Variants in COL11A2 observed in about 807,000 individuals in gnomAD.
COL11A2 encodes collagen type XI alpha 2 chain.
A neutral mutation model predicts 273.4 loss-of-function variants in COL11A2; 116 were observed. The ratio of observed to expected loss-of-function variants is 0.42; its 90% CI spans 0.36 to 0.49. The LOEUF is 0.49. COL11A2 is among the 20% of genes least tolerant of loss of function. The pLI, the probability that COL11A2 is intolerant of heterozygous loss-of-function variation, is 0.00. For synonymous variants in COL11A2, 782 were observed against 864.2 expected, an observed-to-expected ratio of 0.90 and a Z score of 1.67; for missense variants, 1,866 against 2,309.0, an observed-to-expected ratio of 0.81 and a Z score of 3.93.
chr6:33,184,021 G>C (rs1772047198), intron 8 of COL11A2, 124 bp downstream of exon 8: 2 of 852,198 alleles, frequency 2.3e-6, no homozygotes, highest in South Asian at 2.6e-5. Flanking sequence ...TATGTGAACA[G>C]AAAATGACAA....
chr6:33,171,608 G>A (rs754224091), intron 42 of COL11A2, 34 bp from the exon 43 acceptor site: 16 of 1,607,536 alleles, frequency 1.0e-5, no homozygotes, highest in Non-Finnish European at 1.2e-5. Flanking sequence ...ATGGCCTGGA[G>A]GTGACCCTCA....
intron 8 of COL11A2, among the ~76,000 whole-genome samples, chr6:33,182,869 T>C (rs1390024868): frequency 1.3e-5 from 2 of 151,960 alleles, no homozygotes; most frequent in Non-Finnish European, 2.9e-5. Flanking sequence ...ACATGGAGAA[T>C]GGGAGACATT....
upstream of COL11A2, among the ~76,000 whole-genome samples, chr6:33,193,172 G>A (rs1773375333): frequency 6.6e-6 from 1 of 152,108 alleles, no homozygotes; most frequent in South Asian, 2.1e-4. Flanking sequence ...GGTCACTCGG[G>A]GACGTGGGCC....
rs756955575 is a variant in COL11A2, at chr6:33,179,175, T to A, written c.1558-49A>T. The A allele has an allele frequency of 6.2e-6, 10 of 1,610,186 alleles. No individual in the cohort carries two copies. Among genetic ancestry groups the A allele is most frequent in the Non-Finnish European group, 8.5e-6 (10 of 1,178,532 alleles). ...GGGTTAGGAGGCATAGGGAGGGGAG[T>A]GAGGGAGACTGAGCTGGTGAACAGA... On this transcript the variant is annotated intron_variant, in intron 15 of 65. Transcript: ENST00000341947. This position sits in a 1 kb window ranked among gnomAD's most constrained non-coding sequence, Gnocchi z 6.4.
intron 8 of COL11A2, among the ~76,000 whole-genome samples, chr6:33,181,536 G>A (rs1187281224): frequency 2.0e-5 from 3 of 151,972 alleles, no homozygotes; most frequent in Admixed American, 1.3e-4. Context: ...GTATAGTGGC[G>A]CGATCTCGGC....
chr6:33,179,697 C>T lies in COL11A2; in HGVS notation c.1446+22G>A, dbSNP rs754919637. On this transcript the variant is annotated intron_variant, in intron 13 of 65. Coordinates refer to ENST00000341947, the MANE Select transcript of COL11A2 (RefSeq NM_080680.3). This position sits in a 1 kb window ranked among gnomAD's most constrained non-coding sequence, Gnocchi z 6.4. ...CAGTGCCCCCCAGAGCCTTCCCTTT[C>T]CAGGGAAGCAGCCCCACTCACCCTC... 1 of 1,609,450 alleles carries T rather than the reference C, an allele frequency of 6.2e-7. No homozygotes were observed. Among genetic ancestry groups the T allele is most frequent in the Non-Finnish European group, 8.5e-7 (1 of 1,178,802 alleles).
chr6:33,175,406 C>T lies in COL11A2; in HGVS notation c.2376+168G>A, dbSNP rs1316851280. On this transcript the variant is annotated intron_variant, in intron 30 of 65. Coordinates refer to ENST00000341947, the MANE Select transcript of COL11A2 (RefSeq NM_080680.3). The stretch of plus-strand genomic sequence containing the variant: ...CTTTTCCCTGACTTCTTATATATCC[C>T]CTCTGCCCATCAGCAGCTGAGAGAT... The T allele has an allele frequency of 8.5e-6, 6 of 707,830 alleles. No individual in the cohort carries two copies. In the East Asian group the frequency reaches 1.6e-4, roughly 19 times the overall value. 43.8% of individuals were successfully genotyped at this position (707,830 alleles called of 1,614,324 possible).
chr6:33,181,708 A>T lies in COL11A2; in HGVS notation c.1120-538T>A, dbSNP rs569790644. On this transcript the variant is annotated intron_variant, in intron 8 of 65. Transcript: ENST00000341947. ...ACCGTGTTGGCCAGGCTGGTCTCAAAGTCCTGACCTCAGGTGATCCGCCTG... is the reference window on the plus strand; with the variant it reads ...ACCGTGTTGGCCAGGCTGGTCTCAATGTCCTGACCTCAGGTGATCCGCCTG... Among the ~76,000 whole-genome samples, 428 of 151,916 alleles carry T rather than the reference A, an allele frequency of 2.8e-3. 6 individuals are homozygous for T. The highest frequency in any genetic ancestry group is 0.01 in the African/African-American group (420 of 41,450).
intron 6 of COL11A2, 92 bp from the exon 7 acceptor site, chr6:33,185,146 G>T (rs1295205458): frequency 1.5e-5 from 14 of 922,210 alleles, no homozygotes; most frequent in Admixed American, 4.0e-5. Flanking sequence ...CCTGTCCCCC[G>T]AGGGCAGGGT....
In COL11A2 at chr6:33,189,518, C is replaced by T; in HGVS notation, c.83-49G>A. On this transcript the variant is annotated intron_variant, in intron 1 of 65. Transcript: ENST00000341947. This position sits in a 1 kb window ranked among gnomAD's most constrained non-coding sequence, Gnocchi z 5.6. Reference sequence around the variant, plus strand: ...GAGAAGGGACATGCCCTCAGGAGGGCATAAATAGGGGACATTTGGGATCTA... The same window carrying T: ...GAGAAGGGACATGCCCTCAGGAGGGTATAAATAGGGGACATTTGGGATCTA... The T allele has an allele frequency of 6.2e-7, 1 of 1,607,494 alleles. No individual in the cohort carries two copies. The highest frequency in any genetic ancestry group is 1.1e-5 in the South Asian group (1 of 90,854).
chr6:33,184,246 G>A lies in COL11A2; in HGVS notation c.1018C>T (p.Pro340Ser). 1 of 1,367,674 alleles carries A rather than the reference G, an allele frequency of 7.3e-7. No individual in the cohort carries two copies. The highest frequency in any genetic ancestry group is 9.8e-7 in the Non-Finnish European group (1 of 1,021,994). The allele number at this position is 1,367,674 out of a possible 1,614,324, so 84.7% of individuals were successfully genotyped here. A position where few individuals can be genotyped will look rare whatever the true frequency, so the allele number is the denominator to read the frequency against. Residue 340 changes from proline (P) to serine (S), a missense_variant, in exon 8 of 66, where the codon CCT (proline) becomes TCT (serine). Transcript: ENST00000341947. ...TAGGTGTAATCGTAGGGCCCTTCAG[G>A]GGGGTCTGTGCCACCCTCCCCATAT... Reference protein sequence around the residue: ...EEYGEGGTDPPEGPYDYTYGY... With the variant: ...EEYGEGGTDPSEGPYDYTYGY...
At position 33,166,993 on chromosome 6, in the gene COL11A2, G is replaced by T; in HGVS notation, c.4230+77C>A. On this transcript the variant is annotated intron_variant, in intron 58 of 65. Transcript: ENST00000341947. The surrounding 1 kb of genome is among the most constrained non-coding windows in gnomAD (Gnocchi z 4.8). Reference sequence around the variant, plus strand: ...TGCCGGAGGCCTGAAGCAGAGCAGTGGGCACTTGGGTCCCACAGGTTTCAG... The same window carrying T: ...TGCCGGAGGCCTGAAGCAGAGCAGTTGGCACTTGGGTCCCACAGGTTTCAG... The T allele has an allele frequency of 6.3e-7, 1 of 1,594,134 alleles. No homozygotes were observed. The highest frequency in any genetic ancestry group is 2.2e-5 in the East Asian group (1 of 44,658).
rs1405415074 is a variant in COL11A2, at chr6:33,171,531, T to C, written c.3194A>G (p.Gln1065Arg). The change falls in exon 43 of 66, where the codon CAG becomes CGG. Residue 1065 changes from glutamine to arginine, a missense_variant. Coordinates refer to ENST00000341947, the MANE Select transcript of COL11A2 (RefSeq NM_080680.3). ...AGGACCAGGAAGCCCCACAGGACCC[T>C]GCACTCCATCTCGGCCAGTCGGGCC... Reference protein sequence around the residue: ...PIGPTGRDGVQGPVGLPGPAG... With the variant: ...PIGPTGRDGVRGPVGLPGPAG... 1.9e-6 allele frequency: 3 copies of C among 1,614,056 alleles called. No homozygotes were observed. Among genetic ancestry groups the C allele is most frequent in the Non-Finnish European group, 2.5e-6 (3 of 1,179,980 alleles).
At position 33,179,445 on chromosome 6, in the gene COL11A2, G is replaced by T; in HGVS notation, c.1489C>A (p.Arg497Ser). Residue 497 changes from arginine (R) to serine (S), a missense_variant, in exon 14 of 66, where the codon CGC becomes AGC. Arg to Ser is a moderately radical substitution (Grantham distance 110). Transcript: ENST00000341947. The surrounding 1 kb of genome is among the most constrained non-coding windows in gnomAD (Gnocchi z 6.4). ...GPPGPMGYTG[R>S]PGPLGQPGSP... ...TGCTCACTCACCAAGGGTCCAGGGC[G>T]CCCTGTGTATCCCATGGGGCCAGGG... is the stretch of plus-strand genomic sequence containing the variant. The T allele has an allele frequency of 1.9e-6, 3 of 1,569,028 alleles. No homozygotes were observed. The highest frequency in any genetic ancestry group is 2.6e-6 in the Non-Finnish European group (3 of 1,157,186).
chr6:33,173,384 A>G lies in COL11A2; in HGVS notation c.2700T>C (p.Asp900=), dbSNP rs2229785. The G allele has an allele frequency of 0.75, 1,211,313 of 1,612,256 alleles. 459,205 individuals are homozygous for G. Among genetic ancestry groups the G allele is most frequent in the East Asian group, 0.99 (44,342 of 44,824 alleles). ...TTTGGCCTGGGTGTCCCGGCAGCCC[A>G]TCCTTCCCAGGGGGGCCCTGGAAGG... ...PKGPPGPPGK[D]GLPGHPGQRG... is the part of the protein sequence containing the mutation. Residue 900 remains aspartate (D), a synonymous_variant, in exon 37 of 66, where the codon GAT becomes GAC. Coordinates refer to ENST00000341947, the MANE Select transcript of COL11A2 (RefSeq NM_080680.3). The surrounding 1 kb of genome is among the most constrained non-coding windows in gnomAD (Gnocchi z 6.3).
At chr6:33,186,542 G>A (rs1772443056) in intron 5 of COL11A2, 85 bp downstream of exon 5, 1 of 1,609,304 alleles carries the variant, frequency 6.2e-7, no homozygotes. Flanking sequence ...GATGAGGGTG[G>A]GGAGGACAAC....
In COL11A2 at chr6:33,177,263, G is replaced by A. The variant is rs1554220120; in HGVS notation, c.1972-38C>T. On this transcript the variant is annotated intron_variant, in intron 23 of 65. Coordinates refer to ENST00000341947, the MANE Select transcript of COL11A2 (RefSeq NM_080680.3). The surrounding 1 kb of genome is among the most constrained non-coding windows in gnomAD (Gnocchi z 5.9). ...AAAGAGAAGTCACAGGGGCCTCCCA[G>A]GGTCTCTTCTATCCAGCCTCCCGGA... 6.2e-7 allele frequency: 1 copy of A among 1,612,478 alleles called. No individual in the cohort carries two copies. Among genetic ancestry groups the A allele is most frequent in the Non-Finnish European group, 8.5e-7 (1 of 1,179,650 alleles).
chr6:33,173,630 G>T lies in COL11A2; in HGVS notation c.2628+71C>A. ...GGGGGAACTCAGCTTCCTTCCTGGG[G>T]TGAGGAGGGAGCTGGCTCACCCAGG... is the stretch of plus-strand genomic sequence containing the variant. On this transcript the variant is annotated intron_variant, in intron 35 of 65. Coordinates refer to ENST00000341947, the MANE Select transcript of COL11A2 (RefSeq NM_080680.3). This position sits in a 1 kb window ranked among gnomAD's most constrained non-coding sequence, Gnocchi z 6.3. 3.5e-6 allele frequency: 5 copies of T among 1,447,636 alleles called. No individual in the cohort carries two copies. The South Asian group carries it at 4.6e-5, about 13-fold the overall frequency. The allele number at this position is 1,447,636 out of a possible 1,614,324, so 89.7% of individuals were successfully genotyped here.
At chr6:33,185,185 T>C in intron 6 of COL11A2, 131 bp from the exon 7 acceptor site, 4 of 733,836 alleles carry the variant, frequency 5.5e-6, no homozygotes, top group South Asian at 4.5e-5. Context: ...GGGGGAAATC[T>C]CAGATCTTGC....
Sources: gnomAD v4.1 joint callset for allele counts (sites outside exome capture counted in the v4.1 genomes callset) on GRCh38, gnomAD v4.1.1 for gene constraint, Gnocchi (gnomAD v3.1) non-coding constraint, MANE v1.5 for transcripts, NCBI Gene and HGNC (gene_info 2026-07-23, HGNC 2026-07-21) for gene names.